CNTNAP3B: variants seen among roughly 807,000 people sequenced by gnomAD.
The protein encoded by CNTNAP3B is contactin associated protein family member 3B.
In CNTNAP3B, 25 loss-of-function variants were observed where a neutral mutation model predicts 108.9. The ratio of observed to expected loss-of-function variants is 0.23; its 90% CI spans 0.17 to 0.32. CNTNAP3B has a LOEUF of 0.32. Among genes scored for constraint, CNTNAP3B ranks in the 10% least tolerant of loss-of-function variants. The pLI is 1.00. For missense variants in CNTNAP3B, 252 were observed against 1,210.4 expected (o/e 0.21, Z 11.75); for synonymous variants, 103 against 473.4 (o/e 0.22, Z 10.16).
chr9:41,942,212 A>T (rs1387448467), intron 13 of CNTNAP3B, among the ~76,000 whole-genome samples: 2 of 152,294 alleles, frequency 1.3e-5, no homozygotes, highest in African/African-American at 4.8e-5. Flanking sequence ...GCGGTGGCTC[A>T]CGCCTGTAAT....
chr9:41,935,305 T>C (rs1824122892), intron 14 of CNTNAP3B, among the ~76,000 whole-genome samples: 1 of 152,210 alleles, frequency 6.6e-6, no homozygotes, highest in Admixed American at 6.5e-5. Flanking sequence ...ATGGCGATGG[T>C]TTATATTAAC....
At position 42,079,510 on chromosome 9, in the gene CNTNAP3B, T is replaced by C. The variant is rs543333173; in HGVS notation, c.197-2448A>G. 3.6e-4 allele frequency among the ~76,000 whole-genome samples: 44 copies of C among 122,584 alleles called. No individual in the cohort carries two copies. The East Asian group carries it at 0.012, about 34-fold the overall frequency. The allele number at this position is 122,584 out of a possible 152,430, so 80.4% of individuals were successfully genotyped here. A position where few individuals can be genotyped will look rare whatever the true frequency, so the allele number is the denominator to read the frequency against. Reference sequence around the variant, plus strand: ...CTTATTACTATTTTAAGGGGTTTTGTTTTGTTTTGTTTTGTTTTTGTTTTT... The same window carrying C: ...CTTATTACTATTTTAAGGGGTTTTGCTTTGTTTTGTTTTGTTTTTGTTTTT... On this transcript the variant is annotated intron_variant, in intron 2 of 23. Coordinates refer to ENST00000377561, the MANE Select transcript of CNTNAP3B (RefSeq NM_001201380.3).
chr9:42,129,394 A>G lies in CNTNAP3B; in HGVS notation c.-300T>C. On this transcript the variant is annotated 5_prime_UTR_variant, in exon 1 of 24. Transcript: ENST00000377561. The stretch of plus-strand genomic sequence containing the variant: ...CAGGTTCAGGCGCGTCCCGGACACT[A>G]GGCGCGGGAGGCGGCCGGCACCAAC... 1 of 306,170 alleles carries G rather than the reference A, an allele frequency of 3.3e-6. No homozygotes were observed. The allele number at this position is 306,170 out of a possible 1,614,324, so 19.0% of individuals were successfully genotyped here.
At chr9:41,951,606 A>C (rs1422886030) in intron 13 of CNTNAP3B, among the ~76,000 whole-genome samples, 1 of 152,298 alleles carries the variant, frequency 6.6e-6, no homozygotes, top group Non-Finnish European at 1.5e-5. Context: ...GAATGGCCTA[A>C]ATTTCCACAA....
intron 3 of CNTNAP3B, among the ~76,000 whole-genome samples, chr9:42,064,804 A>G (rs1587241845): frequency 1.4e-5 from 2 of 141,242 alleles, no homozygotes; most frequent in African/African-American, 5.5e-5. Flanking sequence ...TTATGGCTGC[A>G]TAGTATTCCA....
chr9:41,994,670 G>GT, intron 7 of CNTNAP3B: 5 of 415,288 alleles, frequency 1.2e-5, no homozygotes, highest in South Asian at 2.0e-5. Context: ...CTTCACAGCT[G>GT]TTTTTCCCCT....
intron 2 of CNTNAP3B, among the ~76,000 whole-genome samples, chr9:42,094,094 C>T (rs2118674303): frequency 7.3e-6 from 1 of 137,536 alleles, no homozygotes; most frequent in African/African-American, 2.9e-5. Flanking sequence ...TATCCCTAAT[C>T]ACTAAGGATA....
At chr9:41,966,573 T>G (rs1282938657) in intron 10 of CNTNAP3B, among the ~76,000 whole-genome samples, 1 of 152,246 alleles carries the variant, frequency 6.6e-6, no homozygotes, top group Non-Finnish European at 1.5e-5. Flanking sequence ...GAGCCCCAGT[T>G]GGAACGCAGC....
chr9:41,919,445 C>T (rs1232519703), intron 18 of CNTNAP3B, among the ~76,000 whole-genome samples: 1 of 152,318 alleles, frequency 6.6e-6, no homozygotes, highest in Admixed American at 6.5e-5. Context: ...TGTACCTGAG[C>T]AGAAGCTGTG....
chr9:41,943,497 C>A (rs538178443), intron 13 of CNTNAP3B, among the ~76,000 whole-genome samples: 2 of 151,946 alleles, frequency 1.3e-5, no homozygotes, highest in Non-Finnish European at 2.9e-5. Flanking sequence ...GGACTACAGG[C>A]GCCTGCCACC....
At chr9:42,126,638 C>T (rs1375602882) in intron 1 of CNTNAP3B, among the ~76,000 whole-genome samples, 1 of 134,516 alleles carries the variant, frequency 7.4e-6, no homozygotes, top group Non-Finnish European at 1.6e-5. Context: ...GGTGGGATCT[C>T]GGCTCACTGC....
chr9:42,061,382 A>G (rs1362895234), intron 3 of CNTNAP3B, among the ~76,000 whole-genome samples: 51 of 126,984 alleles, frequency 4.0e-4, no homozygotes, highest in African/African-American at 1.6e-3. Context: ...CAGTGGCACG[A>G]GCTTGGCTCA....
chr9:41,938,799 T>C (rs1356616612), intron 13 of CNTNAP3B, among the ~76,000 whole-genome samples: 1 of 152,294 alleles, frequency 6.6e-6, no homozygotes, highest in East Asian at 1.9e-4. Context: ...ACAAAGACAT[T>C]GATTTATCTC....
At chr9:41,982,110 G>A (rs1303365050) in intron 9 of CNTNAP3B, among the ~76,000 whole-genome samples, 2 of 97,554 alleles carry the variant, frequency 2.1e-5, no homozygotes, top group Non-Finnish European at 3.9e-5. Context: ...CAAAAATCCT[G>A]GAAGATAACC....
chr9:41,995,679 C>G lies in CNTNAP3B; in HGVS notation c.1071+526G>C, dbSNP rs570007611. 2.6e-3 allele frequency among the ~76,000 whole-genome samples: 307 copies of G among 119,484 alleles called. 31 individuals are homozygous for G. Among genetic ancestry groups the G allele is most frequent in the Middle Eastern group, 4.2e-3 (1 of 236 alleles). The allele number at this position is 119,484 out of a possible 152,430, so 78.4% of individuals were successfully genotyped here. On this transcript the variant is annotated intron_variant, in intron 7 of 23. Transcript: ENST00000377561. Reference sequence around the variant, plus strand: ...CCAGGAGGCAGAGCTTGCAGTGAGCCAAGATCGTGACACTGCACTCCAGTC... The same window carrying G: ...CCAGGAGGCAGAGCTTGCAGTGAGCGAAGATCGTGACACTGCACTCCAGTC...
chr9:41,918,606 A>C (rs1823580617), intron 18 of CNTNAP3B, among the ~76,000 whole-genome samples: 1 of 142,560 alleles, frequency 7.0e-6, no homozygotes. Context: ...TAGATTAGGT[A>C]ATCTAACTAT....
In CNTNAP3B at chr9:42,111,206, C is replaced by G. The variant is rs1252016816; in HGVS notation, c.86-6467G>C. 5.0e-5 allele frequency among the ~76,000 whole-genome samples: 7 copies of G among 139,382 alleles called. 1 individual carries two copies. The highest frequency in any genetic ancestry group is 1.4e-4 in the Admixed American group (2 of 13,990). 91.4% of individuals were successfully genotyped at this position (139,382 alleles called of 152,430 possible). A position where few individuals can be genotyped will look rare whatever the true frequency, so the allele number is the denominator to read the frequency against. On this transcript the variant is annotated intron_variant, in intron 1 of 23. Coordinates refer to ENST00000377561, the MANE Select transcript of CNTNAP3B (RefSeq NM_001201380.3). ...GAATGGGAACAGAACCTGGGACTTT[C>G]GAATGAATAACAGCAGAACTTGGGA...
At chr9:41,914,402 CTAGA>C (rs1323928423) in intron 18 of CNTNAP3B, among the ~76,000 whole-genome samples, 2 of 147,062 alleles carry the variant, frequency 1.4e-5, no homozygotes, top group African/African-American at 5.0e-5. Context: ...TTAACATATT[CTAGA>C]TAGTGAACCT....
rs138716216 is a variant in CNTNAP3B at position 42,080,194 on chromosome 9, G to A, written c.197-3132C>T. On this transcript the variant is annotated intron_variant, in intron 2 of 23. Coordinates refer to ENST00000377561, the MANE Select transcript of CNTNAP3B (RefSeq NM_001201380.3). ...GGAGCCACTAGCCATCCCTCTTCTC[G>A]GCATCCCTCACAGTTTGTTAGTTTG... Among the ~76,000 whole-genome samples the A allele has an allele frequency of 6.7e-3, 922 of 137,322 alleles. 37 individuals carry two copies. Among genetic ancestry groups the A allele is most frequent in the East Asian group, 0.017 (78 of 4,470 alleles). The allele number at this position is 137,322 out of a possible 152,430, so 90.1% of individuals were successfully genotyped here.
Sources: gnomAD v4.1 joint callset for allele counts (sites outside exome capture counted in the v4.1 genomes callset) on GRCh38, gnomAD v4.1.1 for gene constraint, MANE v1.5 for transcripts, NCBI Gene and HGNC (gene_info 2026-07-23, HGNC 2026-07-21) for gene names.